The following KDM2A variants were observed in gnomAD, a reference collection of about 807,000 sequenced individuals.
The protein encoded by KDM2A is lysine-specific demethylase 2A.
Under a neutral mutation model 137.3 loss-of-function variants are expected in KDM2A, and 3 were observed. That is an observed-to-expected ratio of 0.02 (90% CI 0.01 to 0.06). KDM2A has a LOEUF of 0.06. KDM2A is among the 10% of genes least tolerant of loss of function. The pLI is 1.00. For missense variants in KDM2A, 738 were observed against 1,510.6 expected (o/e 0.49, Z 8.48); for synonymous variants, 512 against 541.5 (o/e 0.95, Z 0.76).
In KDM2A at chr11:67,189,530, C is replaced by T. The variant is rs189142224; in HGVS notation, c.307+7638C>T. ...CTTGAGCCCAGGATTTTGAGGCCAG[C>T]TTGGGCAACATAGCAAGACCTTATC... On this transcript the variant is annotated intron_variant, in intron 5 of 20. Transcript: ENST00000529006. Among the ~76,000 whole-genome samples the T allele has an allele frequency of 2.6e-5, 4 of 152,012 alleles. No individual in the cohort carries two copies. In the East Asian group the frequency reaches 7.7e-4, roughly 29 times the overall value.
chr11:67,126,807 T>G (rs2136279522), intron 2 of KDM2A, among the ~76,000 whole-genome samples: 1 of 152,188 alleles, frequency 6.6e-6, no homozygotes, highest in Admixed American at 6.6e-5. Context: ...TATGTGTAGA[T>G]TTGGAATATA....
At chr11:67,200,585 C>T (rs770262466) in intron 5 of KDM2A, among the ~76,000 whole-genome samples, 1 of 151,992 alleles carries the variant, frequency 6.6e-6, no homozygotes, top group African/African-American at 2.4e-5. Flanking sequence ...AATCATGGCT[C>T]ACTGCAGGCT....
chr11:67,132,387 G>A (rs990753745), intron 2 of KDM2A, among the ~76,000 whole-genome samples: 10 of 152,070 alleles, frequency 6.6e-5, no homozygotes, highest in African/African-American at 2.4e-4. Flanking sequence ...GGGTTCAAGC[G>A]ATTCTCCTGC....
At chr11:67,187,596 A>C (rs967799339) in intron 5 of KDM2A, among the ~76,000 whole-genome samples, 1 of 144,324 alleles carries the variant, frequency 6.9e-6, no homozygotes, top group Non-Finnish European at 1.5e-5. Flanking sequence ...TTATTTTGAG[A>C]TGACGTCTTG....
chr11:67,148,802 AAAAAC>A (rs554285645), intron 2 of KDM2A, among the ~76,000 whole-genome samples: 1 of 152,122 alleles, frequency 6.6e-6, no homozygotes, highest in Non-Finnish European at 1.5e-5. Context: ...ATTCCGTCTC[AAAAAC>A]AAAACAAGAC....
At chr11:67,137,988 G>A (rs1464728502) in intron 2 of KDM2A, among the ~76,000 whole-genome samples, 1 of 152,076 alleles carries the variant, frequency 6.6e-6, no homozygotes, top group African/African-American at 2.4e-5. Flanking sequence ...AGTAGAGACG[G>A]GGTTTCACCA....
intron 2 of KDM2A, among the ~76,000 whole-genome samples, chr11:67,144,984 C>T (rs568763679): frequency 3.8e-4 from 57 of 151,896 alleles, no homozygotes; most frequent in Middle Eastern, 3.4e-3. Context: ...ATTCTCCTGC[C>T]TCAGCCTCTC....
intron 2 of KDM2A, among the ~76,000 whole-genome samples, chr11:67,152,101 G>A (rs1856404468): frequency 6.6e-6 from 1 of 151,796 alleles, no homozygotes; most frequent in South Asian, 2.1e-4. Context: ...GATCACTTGA[G>A]CCCAGGAGTT....
At chr11:67,162,528 C>T (rs1590736981) in intron 2 of KDM2A, among the ~76,000 whole-genome samples, 1 of 152,162 alleles carries the variant, frequency 6.6e-6, no homozygotes, top group South Asian at 2.1e-4. Flanking sequence ...CCTCAGCCTC[C>T]CAAGTAGCTG....
At position 67,246,210 on chromosome 11, in the gene KDM2A, T is replaced by C. The variant is rs928235875; in HGVS notation, c.1965+94T>C. The C allele has an allele frequency of 7.4e-6, 10 of 1,346,090 alleles. No individual in the cohort carries two copies. In the African/African-American group the frequency reaches 1.0e-4, roughly 14 times the overall value. 83.4% of individuals were successfully genotyped at this position (1,346,090 alleles called of 1,614,324 possible). A position where few individuals can be genotyped will look rare whatever the true frequency, so the allele number is the denominator to read the frequency against. On this transcript the variant is annotated intron_variant, in intron 15 of 20. Coordinates refer to ENST00000529006, the MANE Select transcript of KDM2A (RefSeq NM_012308.3). ...CTTGTGATGGGAGTGCCAGCATCCC[T>C]ACTGTAGGCCATCAGCTCTGTGGTC...
chr11:67,187,263 A>G (rs1655246384), intron 5 of KDM2A, among the ~76,000 whole-genome samples: 1 of 152,236 alleles, frequency 6.6e-6, no homozygotes, highest in East Asian at 1.9e-4. Flanking sequence ...ATAAGGATAT[A>G]GAAGTCAAAT....
chr11:67,204,133 G>A lies in KDM2A; in HGVS notation c.308-3377G>A, dbSNP rs185576399. Among the ~76,000 whole-genome samples the A allele has an allele frequency of 2.6e-5, 4 of 152,184 alleles. No homozygotes were observed. In the East Asian group the frequency reaches 5.8e-4, roughly 22 times the overall value. On this transcript the variant is annotated intron_variant, in intron 5 of 20. Coordinates refer to ENST00000529006, the MANE Select transcript of KDM2A (RefSeq NM_012308.3). ...CATTCTTGAAGGAAAGCATTTACTT[G>A]TTATTTCTTAAATTATGGTTAAATA...
chr11:67,163,710 G>C (rs1384964320), intron 2 of KDM2A, among the ~76,000 whole-genome samples: 1 of 152,010 alleles, frequency 6.6e-6, no homozygotes, highest in Non-Finnish European at 1.5e-5. Context: ...ACAAAAATTA[G>C]CTGGGCGTGG....
Position 67,202,998 on chromosome 11 carries a change from G to A in KDM2A, c.308-4512G>A, listed in dbSNP as rs553757968. Among the ~76,000 whole-genome samples the A allele has an allele frequency of 1.2e-4, 17 of 137,744 alleles. 1 individual carries two copies. The highest frequency in any genetic ancestry group is 1.0e-3 in the Admixed American group (14 of 14,046). The allele number at this position is 137,744 out of a possible 152,430, so 90.4% of individuals were successfully genotyped here. A position where few individuals can be genotyped will look rare whatever the true frequency, so the allele number is the denominator to read the frequency against. On this transcript the variant is annotated intron_variant, in intron 5 of 20. Coordinates refer to ENST00000529006, the MANE Select transcript of KDM2A (RefSeq NM_012308.3). ...CAACAGAGCAAGACCCTGTCCGTCC[G>A]CCGCCAAAAAAAAAAAAAAAGAAAA...
intron 17 of KDM2A, among the ~76,000 whole-genome samples, chr11:67,251,515 C>CT (rs778834324): frequency 6.6e-6 from 1 of 152,142 alleles, no homozygotes; most frequent in African/African-American, 2.4e-5. Context: ...AGGATATATC[C>CT]TTTTTATCTG....
intron 5 of KDM2A, among the ~76,000 whole-genome samples, chr11:67,185,440 T>C (rs1369319655): frequency 6.6e-6 from 1 of 152,066 alleles, no homozygotes; most frequent in Non-Finnish European, 1.5e-5. Flanking sequence ...GAGACCAGCC[T>C]GCCCAACATG....
At chr11:67,126,533 C>A (rs1449981928) in intron 2 of KDM2A, among the ~76,000 whole-genome samples, 1 of 151,794 alleles carries the variant, frequency 6.6e-6, no homozygotes, top group South Asian at 2.1e-4. Flanking sequence ...CAAGGTGGAA[C>A]CCTGTCTCTA....
chr11:67,186,381 CTG>C (rs1857208082), intron 5 of KDM2A, among the ~76,000 whole-genome samples: 1 of 152,300 alleles, frequency 6.6e-6, no homozygotes, highest in Middle Eastern at 3.4e-3. Flanking sequence ...CAAAACAAAA[CTG>C]TCAACCAAGC....
intron 3 of KDM2A, among the ~76,000 whole-genome samples, chr11:67,180,962 CTT>C (rs374121079): frequency 6.7e-4 from 93 of 137,822 alleles, no homozygotes; most frequent in Admixed American, 1.2e-3. Context: ...ACACCTGGCC[CTT>C]TTTTTTTTTT....
Sources: gnomAD v4.1 joint callset for allele counts (sites outside exome capture counted in the v4.1 genomes callset) on GRCh38, gnomAD v4.1.1 for gene constraint, MANE v1.5 for transcripts, NCBI Gene and HGNC (gene_info 2026-07-23, HGNC 2026-07-21) for gene names.